SIRT5: variants seen among roughly 807,000 people sequenced by gnomAD.
SIRT5 encodes NAD-dependent protein deacylase sirtuin-5, mitochondrial.
SIRT5 carries 26 observed loss-of-function variants against 40.0 expected under a neutral mutation model. That is an observed-to-expected ratio of 0.65 (90% CI 0.48 to 0.90). The LOEUF is 0.90. Among genes scored for constraint, SIRT5 ranks in the 40% least tolerant of loss-of-function variants. The probability of loss-of-function intolerance (pLI) is 0.00; values close to 1 mark genes in which losing one functional copy is unlikely to be tolerated. For missense variants in SIRT5, 401 were observed against 402.4 expected (o/e 1.00, Z 0.03); for synonymous variants, 146 against 149.1 (o/e 0.98, Z 0.15).
upstream of SIRT5, chr6:13,574,442 G>A (rs1045059375): frequency 1.3e-5 from 2 of 152,266 alleles, no homozygotes; most frequent in South Asian, 4.1e-4. Context: ...CGCGAGCGGA[G>A]GTGGCACCGG....
chr6:13,597,101 T>C, intron 7 of SIRT5, 85 bp downstream of exon 7: 2 of 1,039,924 alleles, frequency 1.9e-6, no homozygotes, highest in Non-Finnish European at 2.9e-6. Flanking sequence ...AACATGTATT[T>C]GGCAAGACGC....
At chr6:13,600,292 G>C (rs1188164459) in intron 8 of SIRT5, among the ~76,000 whole-genome samples, 2 of 152,160 alleles carry the variant, frequency 1.3e-5, no homozygotes, top group Non-Finnish European at 2.9e-5. Flanking sequence ...CACTGTTGAT[G>C]ATGGATTGTT....
chr6:13,574,954 G>A (rs1758401491), intron 1 of SIRT5, among the ~76,000 whole-genome samples: 1 of 152,192 alleles, frequency 6.6e-6, no homozygotes, highest in African/African-American at 2.4e-5. Flanking sequence ...TGGCCGGGGT[G>A]GAGGCAGTGG....
chr6:13,591,642 C>G (rs201531287), intron 4 of SIRT5, 27 bp from the exon 5 acceptor site: 3 of 1,490,552 alleles, frequency 2.0e-6, no homozygotes, highest in Non-Finnish European at 2.7e-6. Context: ...CTGCCTCCCT[C>G]ACTCCTGCCT....
At chr6:13,585,334 C>G (rs1759921341) in intron 3 of SIRT5, among the ~76,000 whole-genome samples, 1 of 152,026 alleles carries the variant, frequency 6.6e-6, no homozygotes, top group Admixed American at 6.5e-5. Context: ...TGTTGGTTTG[C>G]TGCACCCATC....
chr6:13,603,615 G>C (rs1285937151), intron 9 of SIRT5, among the ~76,000 whole-genome samples: 1 of 152,186 alleles, frequency 6.6e-6, no homozygotes, highest in East Asian at 1.9e-4. Context: ...TGGCTGATGA[G>C]AATGTACAAT....
At position 13,584,092 on chromosome 6, in the gene SIRT5, G is replaced by C. The variant is rs1759740857; in HGVS notation, c.-19G>C. 6.3e-7 allele frequency: 1 copy of C among 1,591,330 alleles called. No homozygotes were observed. The highest frequency in any genetic ancestry group is 2.2e-5 in the East Asian group (1 of 44,756). On this transcript the variant is annotated 5_prime_UTR_variant, in exon 3 of 10. Transcript: ENST00000606117. ...TTTCTAAAGCCCGCCTCAAGCATTAGAACTACAGACAAACCCTGATGCGAC... is the reference window on the plus strand; with the variant it reads ...TTTCTAAAGCCCGCCTCAAGCATTACAACTACAGACAAACCCTGATGCGAC...
intron 7 of SIRT5, among the ~76,000 whole-genome samples, chr6:13,597,787 C>G (rs1761790451): frequency 1.3e-5 from 2 of 152,078 alleles, no homozygotes; most frequent in South Asian, 2.1e-4. Context: ...CTCAGATGAT[C>G]CACCCGCCTC....
chr6:13,590,814 G>T lies in SIRT5; in HGVS notation c.250-855G>T, dbSNP rs992459828. On this transcript the variant is annotated intron_variant, in intron 4 of 9. Transcript: ENST00000606117. ...GTGTATGTAGTTGTGTGTGTGTGTAGTTGTGTGTGTGTTTAGCTGTGTGTA... is the reference window on the plus strand; with the variant it reads ...GTGTATGTAGTTGTGTGTGTGTGTATTTGTGTGTGTGTTTAGCTGTGTGTA... Among the ~76,000 whole-genome samples the T allele has an allele frequency of 4.7e-5, 7 of 150,536 alleles. No homozygotes were observed. In the South Asian group the frequency reaches 6.3e-4, roughly 14 times the overall value.
At chr6:13,606,164 T>C (rs1046305379) in intron 9 of SIRT5, among the ~76,000 whole-genome samples, 1 of 151,940 alleles carries the variant, frequency 6.6e-6, no homozygotes, top group Non-Finnish European at 1.5e-5. Context: ...TAAGAAGAGA[T>C]TGGAGCAAAG....
At chr6:13,602,185 C>T (rs1762477136) in intron 9 of SIRT5, among the ~76,000 whole-genome samples, 1 of 152,156 alleles carries the variant, frequency 6.6e-6, no homozygotes. Flanking sequence ...TCTATGGGCT[C>T]AATCAACTCA....
Position 13,596,958 on chromosome 6 carries a change from T to C in SIRT5, c.564-5T>C. 1 of 1,604,292 alleles carries C rather than the reference T, an allele frequency of 6.2e-7. No homozygotes were observed. The highest frequency in any genetic ancestry group is 1.1e-5 in the South Asian group (1 of 89,408). The stretch of plus-strand genomic sequence containing the variant: ...ATCTTTCTTTTCTAATATTATTTAC[T>C]TCAGTGCTCCAGAACCTGGAACTCA... On this transcript the variant is annotated splice_region_variant and splice_polypyrimidine_tract_variant and intron_variant, in intron 6 of 9. Transcript: ENST00000606117.
At chr6:13,608,224 T>C (rs967415796) in intron 9 of SIRT5, among the ~76,000 whole-genome samples, 19 of 152,252 alleles carry the variant, frequency 1.2e-4, no homozygotes, top group African/African-American at 4.1e-4. Flanking sequence ...TCTTTTCTCT[T>C]TGAACTTGTA....
chr6:13,575,368 G>A (rs1018808300), intron 1 of SIRT5, among the ~76,000 whole-genome samples: 7 of 152,148 alleles, frequency 4.6e-5, no homozygotes, highest in Admixed American at 3.9e-4. Flanking sequence ...CTTGAGGAAA[G>A]CAGGTGATGG....
rs1289668752 is a variant in SIRT5, at chr6:13,613,955, C to G, written c.*2090C>G. On this transcript the variant is annotated 3_prime_UTR_variant, in exon 10 of 10. Transcript: ENST00000606117. ...ACTGTTCTTTGCAATTCCTCTCATA[C>G]TGAACCTCTGGTTCAGCAGCTTTTT... The G allele has an allele frequency of 1.3e-5, 2 of 152,204 alleles. No homozygotes were observed. Among genetic ancestry groups the G allele is most frequent in the Non-Finnish European group, 2.9e-5 (2 of 68,040 alleles). 9.4% of individuals were successfully genotyped at this position (152,204 alleles called of 1,614,324 possible). A position where few individuals can be genotyped will look rare whatever the true frequency, so the allele number is the denominator to read the frequency against.
intron 5 of SIRT5, 135 bp from the exon 6 acceptor site, chr6:13,595,342 C>A (rs1761428176): frequency 6.0e-6 from 4 of 671,812 alleles, no homozygotes; most frequent in Non-Finnish European, 1.1e-5. Flanking sequence ...CTGCTACACT[C>A]CAGCCTGGGT....
At chr6:13,591,057 G>A (rs1486696077) in intron 4 of SIRT5, among the ~76,000 whole-genome samples, 1 of 151,612 alleles carries the variant, frequency 6.6e-6, no homozygotes, top group Non-Finnish European at 1.5e-5. Context: ...ATGTAGTTGT[G>A]TGTGTGTCTA....
intron 5 of SIRT5, among the ~76,000 whole-genome samples, chr6:13,593,725 TTTA>T (rs1256649667): frequency 6.6e-6 from 1 of 152,206 alleles, no homozygotes; most frequent in Non-Finnish European, 1.5e-5. Context: ...GATATACTAT[TTTA>T]TTATCCCTTA....
chr6:13,574,431 T>A (rs1297253326), upstream of SIRT5: 2 of 151,746 alleles, frequency 1.3e-5, no homozygotes, highest in African/African-American at 4.8e-5. Context: ...TGCCGCGGGC[T>A]CGCGAGCGGA....
Sources: allele counts gnomAD v4.1 joint callset (sites outside exome capture counted in the v4.1 genomes callset), GRCh38; gene constraint gnomAD v4.1.1; transcripts MANE v1.5; gene names NCBI Gene and HGNC (gene_info 2026-07-23, HGNC 2026-07-21).